Variants in LRBA observed in about 807,000 individuals in gnomAD.
The protein encoded by LRBA is LPS responsive beige-like anchor protein, also known as lipopolysaccharide-responsive and beige-like anchor protein.
In LRBA, 176 loss-of-function variants were observed where a neutral mutation model predicts 330.0. The ratio of observed to expected loss-of-function variants is 0.53; its 90% CI spans 0.47 to 0.60. LRBA has a LOEUF of 0.60. Ranked by LOEUF, LRBA falls within the 20% of genes least tolerant of loss-of-function variation. The probability of loss-of-function intolerance (pLI) is 0.00; values close to 1 mark genes in which losing one functional copy is unlikely to be tolerated. For missense variants in LRBA, 3,259 were observed against 3,444.8 expected (o/e 0.95, Z 1.35); for synonymous variants, 1,230 against 1,193.0 (o/e 1.03, Z -0.64).
chr4:150,460,208 G>A (rs577940479), intron 44 of LRBA, among the ~76,000 whole-genome samples: 40 of 151,884 alleles, frequency 2.6e-4, no homozygotes, highest in Non-Finnish European at 3.4e-4. Context: ...GTTAAATGTC[G>A]GTAGTCAATT....
chr4:150,327,352 C>T (rs1733418911), intron 48 of LRBA, among the ~76,000 whole-genome samples: 1 of 152,118 alleles, frequency 6.6e-6, no homozygotes, highest in Admixed American at 6.5e-5. Context: ...GCCAGGAGTT[C>T]GAGGCAGCAG....
chr4:150,749,663 G>T (rs1025181972), intron 35 of LRBA, among the ~76,000 whole-genome samples: 1 of 152,146 alleles, frequency 6.6e-6, no homozygotes, highest in African/African-American at 2.4e-5. Flanking sequence ...TCAGGAGGCT[G>T]AGGTGGGAGG....
intron 40 of LRBA, chr4:150,579,462 C>T: frequency 5.1e-6 from 2 of 393,344 alleles, no homozygotes; most frequent in South Asian, 3.8e-5. Context: ...ATTAGTACCA[C>T]GGCCATAAAT....
intron 37 of LRBA, among the ~76,000 whole-genome samples, chr4:150,642,461 G>A (rs1409707486): frequency 6.6e-6 from 1 of 151,844 alleles, no homozygotes; most frequent in Non-Finnish European, 1.5e-5. Context: ...AAGGTAAACA[G>A]TAACATGTGA....
rs918255107 is a variant in LRBA at position 150,444,803 on chromosome 4, G to T, written c.6781-7939C>A. 2.0e-5 allele frequency among the ~76,000 whole-genome samples: 3 copies of T among 152,214 alleles called. No individual in the cohort carries two copies. The East Asian group carries it at 5.8e-4, about 29-fold the overall frequency. On this transcript the variant is annotated intron_variant, in intron 44 of 56. Coordinates refer to ENST00000651943, the MANE Select transcript of LRBA (RefSeq NM_001364905.1). ...AAGAAAGTATTCCATTTTACTTATT[G>T]TGCCTATGTAGAATCTAAATCATTT...
intron 34 of LRBA, among the ~76,000 whole-genome samples, chr4:150,775,499 AC>A (rs377396938): frequency 0.14 from 1,488 of 10,494 alleles, 29 homozygotes; most frequent in African/African-American, 0.16. Context: ...ACACACACAC[AC>A]ACAGTGATTG....
At chr4:150,679,020 A>G (rs1782821302) in intron 37 of LRBA, among the ~76,000 whole-genome samples, 1 of 152,104 alleles carries the variant, frequency 6.6e-6, no homozygotes, top group South Asian at 2.1e-4. Context: ...GAGGTAAAGG[A>G]TTTTTTTAAA....
At chr4:150,732,502 G>A (rs568816619) in intron 36 of LRBA, among the ~76,000 whole-genome samples, 11 of 152,020 alleles carry the variant, frequency 7.2e-5, no homozygotes, top group East Asian at 1.9e-4. Context: ...ACCGAAGAAC[G>A]GAAAATTGAT....
chr4:150,775,805 G>GAAAAAAAAAAAAAAAA (rs35161747), intron 34 of LRBA, among the ~76,000 whole-genome samples: 16 of 59,974 alleles, frequency 2.7e-4, no homozygotes, highest in Middle Eastern at 0.015. Flanking sequence ...AAGAAAGAAT[G>GAAAAAAAAAAAAAAAA]AAAAAAAAAA....
At chr4:150,434,450 A>G (rs12508149) in intron 46 of LRBA, among the ~76,000 whole-genome samples, 22,778 of 152,238 alleles carry the variant, frequency 0.15, 1,728 homozygotes, top group Middle Eastern at 0.17. Flanking sequence ...TTTTAGAACC[A>G]GCAGCAGGCA....
chr4:150,489,265 A>ATATAATATATTATATATACGT (rs1758430144), intron 41 of LRBA, among the ~76,000 whole-genome samples: 1 of 34,442 alleles, frequency 2.9e-5, no homozygotes, highest in Admixed American at 6.0e-4. Context: ...TATATATAAG[A>ATATAATATATTATATATACGT]ATATATAATA....
intron 48 of LRBA, among the ~76,000 whole-genome samples, chr4:150,345,803 T>G (rs1736213398): frequency 6.6e-6 from 1 of 152,146 alleles, no homozygotes; most frequent in Non-Finnish European, 1.5e-5. Context: ...TAAAAGACTA[T>G]TCCCCTCAAC....
intron 47 of LRBA, among the ~76,000 whole-genome samples, chr4:150,401,321 A>G (rs1745436324): frequency 6.6e-6 from 1 of 152,232 alleles, no homozygotes; most frequent in Admixed American, 6.5e-5. Flanking sequence ...TATTCACTTA[A>G]CATTGTCAAC....
chr4:150,819,060 GAAT>G (rs1446189987), intron 30 of LRBA, among the ~76,000 whole-genome samples: 1 of 151,904 alleles, frequency 6.6e-6, no homozygotes, highest in African/African-American at 2.4e-5. Flanking sequence ...TTCTAGAATG[GAAT>G]ATTATTCAGC....
chr4:150,941,037 T>G (rs1413275913), intron 2 of LRBA, among the ~76,000 whole-genome samples: 2 of 152,146 alleles, frequency 1.3e-5, no homozygotes, highest in Non-Finnish European at 2.9e-5. Context: ...AATTTTAGAT[T>G]GTAAATTTAT....
intron 35 of LRBA, among the ~76,000 whole-genome samples, chr4:150,759,579 A>C (rs1734786659): frequency 6.6e-6 from 1 of 151,488 alleles, no homozygotes; most frequent in African/African-American, 2.4e-5. Flanking sequence ...AACCATACCA[A>C]CCTTTTTTAC....
chr4:150,342,498 A>G (rs1735727614), intron 48 of LRBA, among the ~76,000 whole-genome samples: 1 of 152,184 alleles, frequency 6.6e-6, no homozygotes, highest in African/African-American at 2.4e-5. Flanking sequence ...GGTGTGTGAT[A>G]TATGTAAATG....
At chr4:150,591,319 A>T (rs1437283225) in intron 38 of LRBA, among the ~76,000 whole-genome samples, 4 of 152,230 alleles carry the variant, frequency 2.6e-5, no homozygotes, top group Non-Finnish European at 5.9e-5. Flanking sequence ...AGAATTAAAA[A>T]GGGTTAAAGC....
chr4:150,478,586 A>G (rs898952009), intron 42 of LRBA, among the ~76,000 whole-genome samples: 2 of 152,202 alleles, frequency 1.3e-5, no homozygotes, highest in East Asian at 1.9e-4. Flanking sequence ...GATGTCTTCA[A>G]TAGGCTCCGG....
Sources: allele counts gnomAD v4.1 joint callset (sites outside exome capture counted in the v4.1 genomes callset), GRCh38; gene constraint gnomAD v4.1.1; transcripts MANE v1.5; gene names NCBI Gene and HGNC (gene_info 2026-07-23, HGNC 2026-07-21).